ACOT6: variants seen among roughly 807,000 people sequenced by gnomAD.
ACOT6 encodes acyl-CoA thioesterase 6, also known as acyl-coenzyme A thioesterase 6.
Under a neutral mutation model 12.3 loss-of-function variants are expected in ACOT6, and 14 were observed. The observed-to-expected ratio is 1.14, with a 90% CI of 0.75 to 1.78. The LOEUF (loss-of-function observed/expected upper bound fraction) is 1.78, where lower values mean the gene tolerates loss of function less well. Ranked by LOEUF, ACOT6 falls within the 40% of genes most tolerant of loss-of-function variation. The probability of loss-of-function intolerance (pLI) is 0.00; values close to 1 mark genes in which losing one functional copy is unlikely to be tolerated. For synonymous variants in ACOT6, 218 were observed against 231.3 expected, an observed-to-expected ratio of 0.94 and a Z score of 0.52; for missense variants, 523 against 551.8, an observed-to-expected ratio of 0.95 and a Z score of 0.52.
intron 1 of ACOT6, among the ~76,000 whole-genome samples, chr14:73,615,273 G>A (rs1290199881): frequency 6.8e-6 from 1 of 148,146 alleles, no homozygotes; most frequent in Non-Finnish European, 1.5e-5. Flanking sequence ...TGTAATCCCA[G>A]CTACTCAGGA....
At chr14:73,615,217 C>G (rs1890513577) in intron 1 of ACOT6, among the ~76,000 whole-genome samples, 1 of 149,194 alleles carries the variant, frequency 6.7e-6, no homozygotes. Context: ...GAAACCCTGT[C>G]TCTACTAAAA....
chr14:73,616,398 T>A (rs189720607), intron 1 of ACOT6, among the ~76,000 whole-genome samples: 1 of 152,106 alleles, frequency 6.6e-6, no homozygotes, highest in East Asian at 1.9e-4. Flanking sequence ...ATTTATATCA[T>A]TAAAAAGTTT....
At chr14:73,615,401 A>AAAAAAAC (rs1208984290) in intron 1 of ACOT6, among the ~76,000 whole-genome samples, 62 of 93,536 alleles carry the variant, frequency 6.6e-4, no homozygotes, top group Non-Finnish European at 9.9e-4. Flanking sequence ...AAAAAAAAAA[A>AAAAAAAC]AAAAAACAAA....
At position 73,617,016 on chromosome 14, in the gene ACOT6, G is replaced by C; in HGVS notation, c.484G>C (p.Asp162His). Residue 162 changes from aspartate to histidine, a missense_variant, in exon 2 of 3, where the codon GAT becomes CAT. Asp to His is a moderately conservative substitution (Grantham distance 81). Coordinates refer to ENST00000645972, the MANE Select transcript of ACOT6 (RefSeq NM_001365788.1). ...CAGGGGGCCCTTTCCTGGGATCATT[G>C]ATCTGTTTGGGAGCAGCAGGGGCCT... Reference protein sequence around the residue: ...PDEGPFPGIIDLFGSSRGLCE... With the variant: ...PDEGPFPGIIHLFGSSRGLCE... 1 of 785,172 alleles carries C rather than the reference G, an allele frequency of 1.3e-6. No individual in the cohort carries two copies. The allele number at this position is 785,172 out of a possible 1,614,324, so 48.6% of individuals were successfully genotyped here.
In ACOT6 at chr14:73,617,061, C is replaced by A; in HGVS notation, c.529C>A (p.Leu177Ile). The A allele has an allele frequency of 5.2e-6, 7 of 1,338,448 alleles. No homozygotes were observed. The highest frequency in any genetic ancestry group is 4.7e-5 in the South Asian group (4 of 84,704). 82.9% of individuals were successfully genotyped at this position (1,338,448 alleles called of 1,614,324 possible). ...SRGLCEYRASLLAGHGFAVLA... is the reference protein window; with the variant it reads ...SRGLCEYRASILAGHGFAVLA... Reference sequence around the variant, plus strand: ...GGGCCTTTGTGAATACAGGGCCAGCCTCCTGGCCGGACATGGTTTTGCTGT... The same window carrying A: ...GGGCCTTTGTGAATACAGGGCCAGCATCCTGGCCGGACATGGTTTTGCTGT... The change falls in exon 2 of 3, where the codon CTC (leucine) becomes ATC (isoleucine). Residue 177 changes from leucine (L) to isoleucine (I), a missense_variant. This residue lies in a region of ACOT6 where 304 missense variants were observed against 274.8 expected (regional missense o/e 1.11). Transcript: ENST00000645972.
chr14:73,614,526 G>A (rs1161629878), intron 1 of ACOT6, among the ~76,000 whole-genome samples: 1 of 151,386 alleles, frequency 6.6e-6, no homozygotes, highest in African/African-American at 2.4e-5. Context: ...GATCACTTGA[G>A]GCCAGGAGTT....
Position 73,612,818 on chromosome 14 carries a change from G to T in ACOT6, c.247G>T (p.Ala83Ser). 1 of 1,424,326 alleles carries T rather than the reference G, an allele frequency of 7.0e-7. No individual in the cohort carries two copies. The highest frequency in any genetic ancestry group is 3.0e-5 in the East Asian group (1 of 33,532). 88.2% of individuals were successfully genotyped at this position (1,424,326 alleles called of 1,614,324 possible). Reference sequence around the variant, plus strand: ...GCTCCAGCCCATGGGGCTGCTGTGGGCGTTGGAGCCCGAGAAAGCCTTGGT... The same window carrying T: ...GCTCCAGCCCATGGGGCTGCTGTGGTCGTTGGAGCCCGAGAAAGCCTTGGT... ...AGLQPMGLLW[A>S]LEPEKALVRL... is the part of the protein sequence containing the mutation. Residue 83 changes from alanine to serine, a missense_variant, in exon 1 of 3, where the codon GCG becomes TCG. Ala to Ser is a moderately conservative substitution (Grantham distance 99, BLOSUM62 1). Transcript: ENST00000645972.
chr14:73,612,508 A>G (rs886507844), upstream of ACOT6: 200 of 1,118,458 alleles, frequency 1.8e-4, no homozygotes, highest in Middle Eastern at 3.2e-4. Flanking sequence ...AGCGCTCGGC[A>G]AAGCCGCCAG....
Position 73,619,293 on chromosome 14 carries a change from A to G in ACOT6, c.720A>G (p.Ser240=). The part of the protein sequence containing the change: ...GFSKGGDLCL[S]MASFLKGITA... ...CCAAAGGAGGTGACCTGTGTCTCTCAATGGCTTCTTTCTTGAAGGGCATCA... is the reference window on the plus strand; with the variant it reads ...CCAAAGGAGGTGACCTGTGTCTCTCGATGGCTTCTTTCTTGAAGGGCATCA... Residue 240 remains serine (S), a synonymous_variant, in exon 3 of 3, where the codon TCA becomes TCG. Transcript: ENST00000645972. 1 of 1,612,184 alleles carries G rather than the reference A, an allele frequency of 6.2e-7. No homozygotes were observed. The highest frequency in any genetic ancestry group is 8.5e-7 in the Non-Finnish European group (1 of 1,179,518).
Position 73,612,822 on chromosome 14 carries a change from T to C in ACOT6, c.251T>C (p.Leu84Ser). ...CAGCCCATGGGGCTGCTGTGGGCGT[T>C]GGAGCCCGAGAAAGCCTTGGTGCGG... ...GLQPMGLLWA[L>S]EPEKALVRLV... Residue 84 changes from leucine to serine, a missense_variant, in exon 1 of 3, where the codon TTG (leucine) becomes TCG (serine). By Grantham distance (145) the Leu-to-Ser change is moderately radical. Coordinates refer to ENST00000645972, the MANE Select transcript of ACOT6 (RefSeq NM_001365788.1). 7.0e-7 allele frequency: 1 copy of C among 1,423,894 alleles called. No homozygotes were observed. The highest frequency in any genetic ancestry group is 9.3e-7 in the Non-Finnish European group (1 of 1,075,198). The allele number at this position is 1,423,894 out of a possible 1,614,324, so 88.2% of individuals were successfully genotyped here. A position where few individuals can be genotyped will look rare whatever the true frequency, so the allele number is the denominator to read the frequency against.
In ACOT6 at chr14:73,613,155, C is replaced by T. The variant is rs577460414; in HGVS notation, c.461+123C>T. 2.7e-4 allele frequency: 125 copies of T among 468,286 alleles called. 2 individuals are homozygous for T. The East Asian group carries it at 4.4e-3, about 17-fold the overall frequency. The allele number at this position is 468,286 out of a possible 1,614,324, so 29.0% of individuals were successfully genotyped here. On this transcript the variant is annotated intron_variant, in intron 1 of 2. Transcript: ENST00000645972. ...TTCGCTCCAGAGTCTGTCATGGATTCTGAGTCTGGGCGTCCGCTGTTGCCC... is the reference window on the plus strand; with the variant it reads ...TTCGCTCCAGAGTCTGTCATGGATTTTGAGTCTGGGCGTCCGCTGTTGCCC...
rs1404352511 is a variant in ACOT6, at chr14:73,612,697, G to A, written c.126G>A (p.Glu42=). The change falls in exon 1 of 3, where the codon GAG becomes GAA. Residue 42 remains glutamate, a synonymous_variant. Transcript: ENST00000645972. ...VTLRTSLRDE[E]GALFRAHARY... ...TGCGCACGTCCCTGCGCGACGAAGA[G>A]GGCGCGCTCTTCCGGGCCCACGCGC... The A allele has an allele frequency of 2.1e-6, 3 of 1,401,250 alleles. No homozygotes were observed. In the South Asian group the frequency reaches 4.7e-5, roughly 22 times the overall value. 86.8% of individuals were successfully genotyped at this position (1,401,250 alleles called of 1,614,324 possible).
chr14:73,617,887 G>C (rs1034727314), intron 2 of ACOT6, among the ~76,000 whole-genome samples: 3 of 137,836 alleles, frequency 2.2e-5, no homozygotes, highest in Non-Finnish European at 4.6e-5. Flanking sequence ...GCTCACGTCT[G>C]TAATCCCAGT....
At position 73,612,998 on chromosome 14, in the gene ACOT6, C is replaced by G; in HGVS notation, c.427C>G (p.Pro143Ala). 2.0e-6 allele frequency: 2 copies of G among 987,360 alleles called. No homozygotes were observed. The highest frequency in any genetic ancestry group is 2.8e-6 in the Non-Finnish European group (2 of 720,526). 61.2% of individuals were successfully genotyped at this position (987,360 alleles called of 1,614,324 possible). A position where few individuals can be genotyped will look rare whatever the true frequency, so the allele number is the denominator to read the frequency against. Residue 143 changes from proline to alanine, a missense_variant, in exon 1 of 3, where the codon CCG becomes GCG. Coordinates refer to ENST00000645972, the MANE Select transcript of ACOT6 (RefSeq NM_001365788.1). ...GCGGCGCGAGCCGGTGCGCGCGGGCCCGGTGCGCGCCGCGCTCTTCCTGCC... is the reference window on the plus strand; with the variant it reads ...GCGGCGCGAGCCGGTGCGCGCGGGCGCGGTGCGCGCCGCGCTCTTCCTGCC... ...GVRREPVRAG[P>A]VRAALFLPPD...
At chr14:73,615,710 G>A (rs1279714852) in intron 1 of ACOT6, among the ~76,000 whole-genome samples, 2 of 151,882 alleles carry the variant, frequency 1.3e-5, no homozygotes, top group Non-Finnish European at 2.9e-5. Context: ...TGCAGCCTGG[G>A]CAACAAGAGT....
At chr14:73,612,477 C>T, upstream of ACOT6, 1 of 868,680 alleles carries the variant, frequency 1.2e-6, no homozygotes, top group East Asian at 3.3e-5. Flanking sequence ...GTGTTAAGGG[C>T]TCCGCCCTCG....
At chr14:73,618,097 T>C (rs1019170211) in intron 2 of ACOT6, among the ~76,000 whole-genome samples, 1 of 151,938 alleles carries the variant, frequency 6.6e-6, no homozygotes, top group Non-Finnish European at 1.5e-5. Context: ...GAGTCGAGAT[T>C]ACACCATTGC....
chr14:73,618,416 C>T (rs907337705), intron 2 of ACOT6, among the ~76,000 whole-genome samples: 4 of 151,440 alleles, frequency 2.6e-5, no homozygotes, highest in Non-Finnish European at 5.9e-5. Context: ...CTTAAACATG[C>T]AAGCTGGGGT....
chr14:73,619,726 G>A lies in ACOT6; in HGVS notation c.1153G>A (p.Gly385Arg), dbSNP rs1890599114. The A allele has an allele frequency of 6.2e-7, 1 of 1,614,104 alleles. No homozygotes were observed. Among genetic ancestry groups the A allele is most frequent in the Non-Finnish European group, 8.5e-7 (1 of 1,179,992 alleles). The change falls in exon 3 of 3, where the codon GGA becomes AGA. Residue 385 changes from glycine to arginine, a missense_variant. Coordinates refer to ENST00000645972, the MANE Select transcript of ACOT6 (RefSeq NM_001365788.1). ...HAVLGEAIFYGGEPKAHSKAQ... is the reference protein window; with the variant it reads ...HAVLGEAIFYRGEPKAHSKAQ... ...TGTTTTGGGTGAGGCAATATTCTAT[G>A]GAGGTGAGCCAAAGGCTCACTCAAA...
Sources: gnomAD v4.1 joint callset for allele counts (sites outside exome capture counted in the v4.1 genomes callset) on GRCh38, gnomAD v4.1.1 for gene constraint, gnomAD v4.1.1 regional missense constraint, MANE v1.5 for transcripts, NCBI Gene and HGNC (gene_info 2026-07-23, HGNC 2026-07-21) for gene names.